The following EGF variants were observed in gnomAD, a reference collection of about 807,000 sequenced individuals.
EGF encodes pro-epidermal growth factor.
EGF carries 95 observed loss-of-function variants against 143.8 expected under a neutral mutation model. The ratio of observed to expected loss-of-function variants is 0.66; its 90% CI spans 0.56 to 0.78. EGF has a LOEUF of 0.78. EGF is among the 30% of genes least tolerant of loss of function. EGF has a pLI of 0.00. For missense variants in EGF, 1,320 were observed against 1,470.9 expected (o/e 0.90, Z 1.68); for synonymous variants, 510 against 510.5 (o/e 1.00, Z 0.01).
chr4:109,974,333 A>G (rs1414293147), intron 11 of EGF, among the ~76,000 whole-genome samples: 2 of 152,180 alleles, frequency 1.3e-5, no homozygotes, highest in East Asian at 3.9e-4. Context: ...TGATCCCATG[A>G]GGATAACAGT....
chr4:109,976,034 G>A lies in EGF; in HGVS notation c.1852G>A (p.Gly618Arg). 4.3e-6 allele frequency: 7 copies of A among 1,613,914 alleles called. 1 individual carries two copies. Among genetic ancestry groups the A allele is most frequent in the South Asian group, 2.2e-5 (2 of 91,072 alleles). Reference sequence around the variant, plus strand: ...AAGGAGATTATTCTGGACTGATACAGGGATTAATCCACGAATTGAAAGTTC... The same window carrying A: ...AAGGAGATTATTCTGGACTGATACAAGGATTAATCCACGAATTGAAAGTTC... ...MAKRLFWTDT[G>R]INPRIESSSL... Residue 618 changes from glycine (G) to arginine (R), a missense_variant, in exon 13 of 24, where the codon GGG (glycine) becomes AGG (arginine). By Grantham distance (125) the Gly-to-Arg change is moderately radical. Coordinates refer to ENST00000265171, the MANE Select transcript of EGF (RefSeq NM_001963.6).
intron 12 of EGF, 57 bp downstream of exon 12, chr4:109,974,864 T>C: frequency 2.2e-6 from 3 of 1,393,760 alleles, no homozygotes; most frequent in South Asian, 2.3e-5. Flanking sequence ...CAGTTCATGG[T>C]TGATATGCTA....
chr4:109,974,942 C>A, intron 12 of EGF, 135 bp downstream of exon 12: 1 of 624,568 alleles, frequency 1.6e-6, no homozygotes, highest in South Asian at 1.9e-5. Context: ...ATTCCTCATG[C>A]TTTTAATGTC....
At chr4:109,952,560 C>T (rs1744118952) in intron 5 of EGF, among the ~76,000 whole-genome samples, 1 of 152,074 alleles carries the variant, frequency 6.6e-6, no homozygotes, top group Admixed American at 6.6e-5. Context: ...ATTTTGAAAC[C>T]ACTGGAAAAG....
intron 1 of EGF, among the ~76,000 whole-genome samples, chr4:109,933,429 T>C (rs559833774): frequency 6.6e-6 from 1 of 152,226 alleles, no homozygotes; most frequent in Non-Finnish European, 1.5e-5. Flanking sequence ...TTTTTCTTTT[T>C]TTTTTTTTTA....
At chr4:109,917,566 T>A (rs1267821380) in intron 1 of EGF, among the ~76,000 whole-genome samples, 1 of 152,110 alleles carries the variant, frequency 6.6e-6, no homozygotes, top group African/African-American at 2.4e-5. Flanking sequence ...AAGGGGATAT[T>A]GTGTGATGGT....
At chr4:109,951,366 C>A in intron 5 of EGF, among the ~76,000 whole-genome samples, 1 of 151,570 alleles carries the variant, frequency 6.6e-6, no homozygotes, top group East Asian at 1.9e-4. Context: ...TCAAACCCCA[C>A]CCCCCACAAA....
chr4:109,964,477 T>C lies in EGF; in HGVS notation c.1515T>C (p.Thr505=). The change falls in exon 10 of 24, where the codon ACT becomes ACC. Residue 505 remains threonine (T), a synonymous_variant. Transcript: ENST00000265171. Reference sequence around the variant, plus strand: ...ATTTTGATGGAACAGACTATGGAACTCTGCTCAGCCAGCAGATGGGAATGG... The same window carrying C: ...ATTTTGATGGAACAGACTATGGAACCCTGCTCAGCCAGCAGATGGGAATGG... The part of the protein sequence containing the change: ...HMHFDGTDYG[T]LLSQQMGMVY... 1 of 1,614,004 alleles carries C rather than the reference T, an allele frequency of 6.2e-7. No individual in the cohort carries two copies. The highest frequency in any genetic ancestry group is 1.7e-5 in the Admixed American group (1 of 60,018).
At chr4:109,984,106 G>A (rs1749780360) in intron 16 of EGF, among the ~76,000 whole-genome samples, 5 of 152,140 alleles carry the variant, frequency 3.3e-5, no homozygotes, top group Admixed American at 3.3e-4. Flanking sequence ...GGTTTTTCCA[G>A]CTGGGTTCAG....
At chr4:110,001,022 T>C (rs1471974336) in intron 21 of EGF, among the ~76,000 whole-genome samples, 1 of 152,180 alleles carries the variant, frequency 6.6e-6, no homozygotes, top group Non-Finnish European at 1.5e-5. Flanking sequence ...ATTCAACATA[T>C]CAGCCAAGAT....
rs763832012 is a variant in EGF, at chr4:109,943,255, G to C, written c.329G>C (p.Arg110Thr). Residue 110 changes from arginine (R) to threonine (T), a missense_variant and splice_region_variant, in exon 3 of 24, where the codon AGA becomes ACA. Physicochemically the swap from Arg to Thr is moderately conservative, Grantham distance 71 (BLOSUM62 -1). Coordinates refer to ENST00000265171, the MANE Select transcript of EGF (RefSeq NM_001963.6). The part of the protein sequence containing the change: ...RVFLNGSRQE[R>T]VCNIEKNVSG... ...CAATTTTAAAATTTGATTTTGCAGAGAGTATGTAATATAGAGAAAAATGTT... is the reference window on the plus strand; with the variant it reads ...CAATTTTAAAATTTGATTTTGCAGACAGTATGTAATATAGAGAAAAATGTT... 4 of 1,586,444 alleles carry C rather than the reference G, an allele frequency of 2.5e-6. No homozygotes were observed. The highest frequency in any genetic ancestry group is 1.2e-5 in the South Asian group (1 of 85,344).
chr4:109,944,980 A>G, intron 4 of EGF, 93 bp from the exon 5 acceptor site: 3 of 1,384,006 alleles, frequency 2.2e-6, no homozygotes, highest in African/African-American at 1.4e-5. Context: ...TAGGTGGTTA[A>G]AACTTAGACA....
intron 12 of EGF, 66 bp from the exon 13 acceptor site, chr4:109,975,946 A>G (rs1224892770): frequency 6.6e-7 from 1 of 1,521,388 alleles, no homozygotes; most frequent in African/African-American, 1.4e-5. Context: ...GATATTTTCA[A>G]TGATGAAAGA....
chr4:109,985,768 C>T (rs1578346879), intron 16 of EGF, among the ~76,000 whole-genome samples: 1 of 152,204 alleles, frequency 6.6e-6, no homozygotes, highest in African/African-American at 2.4e-5. Context: ...TTGTCAATAG[C>T]AGAGCCCTAT....
At position 110,012,275 on chromosome 4, in the gene EGF, T is replaced by A. The variant is rs1297059057; in HGVS notation, c.*820T>A. 1 of 152,216 alleles carries A rather than the reference T, an allele frequency of 6.6e-6. No homozygotes were observed. The highest frequency in any genetic ancestry group is 1.5e-5 in the Non-Finnish European group (1 of 68,040). The allele number at this position is 152,216 out of a possible 1,614,324, so 9.4% of individuals were successfully genotyped here. A position where few individuals can be genotyped will look rare whatever the true frequency, so the allele number is the denominator to read the frequency against. ...ATCACCAAAAACATAAACATTTTAT[T>A]GTATGCCTGATTAAGTAGTTAATTA... is the stretch of plus-strand genomic sequence containing the variant. On this transcript the variant is annotated 3_prime_UTR_variant, in exon 24 of 24. Coordinates refer to ENST00000265171, the MANE Select transcript of EGF (RefSeq NM_001963.6).
At chr4:109,940,820 T>C in intron 1 of EGF, 126 bp from the exon 2 acceptor site, 1 of 975,980 alleles carries the variant, frequency 1.0e-6, no homozygotes, top group South Asian at 1.4e-5. Flanking sequence ...AAATAGACTT[T>C]ATTTTAAACA....
chr4:110,007,814 A>G (rs1037977849), intron 22 of EGF, among the ~76,000 whole-genome samples: 13 of 152,202 alleles, frequency 8.5e-5, no homozygotes, highest in African/African-American at 3.1e-4. Context: ...TGCCTGGCCT[A>G]TGGGCAGTTC....
intron 18 of EGF, 35 bp from the exon 19 acceptor site, chr4:109,993,212 C>G: frequency 6.2e-7 from 1 of 1,612,188 alleles, no homozygotes; most frequent in East Asian, 2.2e-5. Flanking sequence ...TTCTGTACCC[C>G]ACTTTTCTCT....
chr4:109,994,687 C>CACT (rs1751518777), intron 19 of EGF, 46 bp from the exon 20 acceptor site: 1 of 1,601,442 alleles, frequency 6.2e-7, no homozygotes. Context: ...ACTTGAAAGA[C>CACT]ACTAATCCAT....
Sources: gnomAD v4.1 joint callset for allele counts (sites outside exome capture counted in the v4.1 genomes callset) on GRCh38, gnomAD v4.1.1 for gene constraint, MANE v1.5 for transcripts, NCBI Gene and HGNC (gene_info 2026-07-23, HGNC 2026-07-21) for gene names.